The following DST variants were observed in gnomAD, a reference collection of about 807,000 sequenced individuals.
DST encodes the protein dystonin.
In DST, 253 loss-of-function variants were observed where a neutral mutation model predicts 875.2. The ratio of observed to expected loss-of-function variants is 0.29; its 90% confidence interval spans 0.26 to 0.32. The LOEUF (loss-of-function observed/expected upper bound fraction) is 0.32, where lower values mean the gene tolerates loss of function less well. Ranked by LOEUF, DST falls within the 10% of genes least tolerant of loss-of-function variation. The pLI is 1.00. For synonymous variants in DST, 3,124 were observed against 3,197.1 expected, an observed-to-expected ratio of 0.98 and a Z score of 0.77; for missense variants, 8,287 against 9,111.6, an observed-to-expected ratio of 0.91 and a Z score of 3.68.
chr6:56,854,611 C>A (rs958540347), intron 3 of DST, among the ~76,000 whole-genome samples: 2 of 152,014 alleles, frequency 1.3e-5, no homozygotes, highest in Non-Finnish European at 2.9e-5. Context: ...ATGTAAGTAG[C>A]GATTATCTTT....
At chr6:56,755,868 T>C (rs1261685792) in intron 4 of DST, among the ~76,000 whole-genome samples, 2 of 152,226 alleles carry the variant, frequency 1.3e-5, no homozygotes, top group Non-Finnish European at 2.9e-5. Context: ...AGCCATACTA[T>C]TGCCTGGAAA....
intron 4 of DST, among the ~76,000 whole-genome samples, chr6:56,777,366 A>G (rs2099681224): frequency 6.6e-6 from 1 of 152,112 alleles, no homozygotes. Context: ...CCTAGCTTAA[A>G]GAATATTACT....
chr6:56,844,865 C>G (rs977915292), intron 4 of DST, among the ~76,000 whole-genome samples: 14 of 117,324 alleles, frequency 1.2e-4, no homozygotes, highest in African/African-American at 4.1e-4. Flanking sequence ...GAGCAAGACT[C>G]CGTCTCAAAA....
intron 4 of DST, among the ~76,000 whole-genome samples, chr6:56,758,667 T>C (rs1380660851): frequency 6.6e-6 from 1 of 152,146 alleles, no homozygotes; most frequent in Non-Finnish European, 1.5e-5. Context: ...GTGGCTGATG[T>C]TAACTATTGG....
At position 56,607,001 on chromosome 6, in the gene DST, G is replaced by A. The variant is rs1190095913; in HGVS notation, c.7627C>T (p.Gln2543Ter). ...TCATCTTCCTTGTCTTCAGGCATCT[G>A]CTGAAAACCTGGATGTGTTTTTTCA... The part of the protein sequence containing the change: ...EDEKTHPGFQ[Q>*]MPEDKEDESE... Residue 2543 changes from glutamine (Q) to a stop codon, truncating the protein, a stop_gained, in exon 40 of 104, where the codon CAG becomes TAG. Coordinates refer to ENST00000680361, the MANE Select transcript of DST (RefSeq NM_001374736.1). LOFTEE classifies it high-confidence loss of function. 1 of 1,613,378 alleles carries A rather than the reference G, an allele frequency of 6.2e-7. No homozygotes were observed. The highest frequency in any genetic ancestry group is 1.3e-5 in the African/African-American group (1 of 74,968).
intron 4 of DST, among the ~76,000 whole-genome samples, chr6:56,763,706 C>CACAT (rs1323470047): frequency 6.7e-6 from 1 of 150,086 alleles, no homozygotes; most frequent in Admixed American, 6.7e-5. Flanking sequence ...CACACACACA[C>CACAT]ACACACACAC....
chr6:56,731,551 G>A (rs1419317107), intron 5 of DST, among the ~76,000 whole-genome samples: 1 of 152,186 alleles, frequency 6.6e-6, no homozygotes, highest in Non-Finnish European at 1.5e-5. Flanking sequence ...GCTATCATCT[G>A]CAAATAGAGA....
At chr6:56,575,895 T>A (rs1478123774) in intron 50 of DST, among the ~76,000 whole-genome samples, 1 of 152,080 alleles carries the variant, frequency 6.6e-6, no homozygotes, top group Non-Finnish European at 1.5e-5. Flanking sequence ...ATGAGGGGCA[T>A]CTTTTGTTTG....
intron 36 of DST, chr6:56,617,454 T>C (rs2152732393): frequency 6.7e-7 from 1 of 1,490,438 alleles, no homozygotes; most frequent in African/African-American, 1.4e-5. Context: ...AAAAGTCACC[T>C]CAAGAACATT....
At chr6:56,481,371 T>C (rs1163598883) in intron 90 of DST, among the ~76,000 whole-genome samples, 1 of 152,194 alleles carries the variant, frequency 6.6e-6, no homozygotes, top group Non-Finnish European at 1.5e-5. Context: ...TTAAGAGATA[T>C]TTGGATTACT....
chr6:56,533,929 G>GT (rs199874961), intron 63 of DST, among the ~76,000 whole-genome samples: 3,848 of 151,826 alleles, frequency 0.025, 75 homozygotes, highest in Non-Finnish European at 0.043. Flanking sequence ...GGAATTTTTT[G>GT]TTTTTTTCCA....
In DST at chr6:56,672,158, C is replaced by A. The variant is rs141306478; in HGVS notation, c.1048-1351G>T. On this transcript the variant is annotated intron_variant, in intron 9 of 103. Coordinates refer to ENST00000680361, the MANE Select transcript of DST (RefSeq NM_001374736.1). ...TTTATTCCTCCCAGCTGCCACAGAG[C>A]CAGAGGCACAGCCAATCCAGGGACC... is the stretch of plus-strand genomic sequence containing the variant. Among the ~76,000 whole-genome samples, 1,138 of 152,292 alleles carry A rather than the reference C, an allele frequency of 7.5e-3. 10 individuals carry two copies. The highest frequency in any genetic ancestry group is 0.031 in the Middle Eastern group (9 of 294).
intron 9 of DST, among the ~76,000 whole-genome samples, chr6:56,676,986 G>A (rs772728782): frequency 2.6e-5 from 4 of 152,052 alleles, no homozygotes; most frequent in Non-Finnish European, 2.9e-5. Context: ...AGTTAGTAAC[G>A]ATGTACTGCA....
intron 3 of DST, among the ~76,000 whole-genome samples, chr6:56,876,376 T>A (rs1250565815): frequency 6.6e-6 from 1 of 152,200 alleles, no homozygotes; most frequent in Non-Finnish European, 1.5e-5. Context: ...TCACATCACC[T>A]GGTACTGAAC....
chr6:56,621,559 C>T (rs2098690936), intron 36 of DST, among the ~76,000 whole-genome samples: 3 of 152,078 alleles, frequency 2.0e-5, no homozygotes, highest in South Asian at 4.2e-4. Context: ...AGTATAATAG[C>T]TTTTAAATAT....
At chr6:56,476,824 C>A (rs974665516) in intron 91 of DST, among the ~76,000 whole-genome samples, 1 of 151,940 alleles carries the variant, frequency 6.6e-6, no homozygotes, top group East Asian at 1.9e-4. Context: ...TGGTGGCACG[C>A]GCCTGTAATC....
rs1208509916 is a variant in DST, at chr6:56,497,482, T to C, written c.20120A>G (p.Glu6707Gly). The C allele has an allele frequency of 6.2e-7, 1 of 1,613,026 alleles. No homozygotes were observed. Among genetic ancestry groups the C allele is most frequent in the Non-Finnish European group, 8.5e-7 (1 of 1,179,384 alleles). Residue 6707 changes from glutamate to glycine, a missense_variant, in exon 82 of 104, where the codon GAG becomes GGG. Physicochemically the swap from Glu to Gly is moderately conservative, Grantham distance 98 (BLOSUM62 -2). Around this residue, in one of 10 missense-constraint regions of DST, gnomAD observed 1,292 missense variants for 1,552.7 expected, o/e 0.83. Coordinates refer to ENST00000680361, the MANE Select transcript of DST (RefSeq NM_001374736.1). ...RQAKGFHGEI[E>G]DLQQWLTDTE... ...GTCAGTCAGCCACTGCTGCAAATCC[T>C]CAATTTCGCCATGGAACCCTTTGGC...
intron 5 of DST, among the ~76,000 whole-genome samples, chr6:56,719,040 A>G (rs1370884379): frequency 2.0e-5 from 3 of 152,232 alleles, no homozygotes; most frequent in African/African-American, 7.2e-5. Context: ...TGAATTTTAT[A>G]ATATGTAAAT....
At chr6:56,830,863 T>A (rs1332146876) in intron 4 of DST, among the ~76,000 whole-genome samples, 2 of 152,182 alleles carry the variant, frequency 1.3e-5, no homozygotes, top group East Asian at 3.8e-4. Context: ...TTACCTATAG[T>A]CCACATTATT....
Sources: gnomAD v4.1 joint callset for allele counts (sites outside exome capture counted in the v4.1 genomes callset) on GRCh38, gnomAD v4.1.1 for gene constraint, gnomAD v4.1.1 regional missense constraint, MANE v1.5 for transcripts, NCBI Gene and HGNC (gene_info 2026-07-23, HGNC 2026-07-21) for gene names.